Variants in EAF2 observed in about 807,000 individuals in gnomAD.
EAF2 encodes ELL-associated factor 2.
EAF2 carries 29 observed loss-of-function variants against 29.4 expected under a neutral mutation model. The ratio of observed to expected loss-of-function variants is 0.99; its 90% CI spans 0.73 to 1.35. EAF2 has a LOEUF of 1.35. Among genes scored for constraint, EAF2 ranks in the 40% most tolerant of loss-of-function variants. The pLI, the probability that EAF2 is intolerant of heterozygous loss-of-function variation, is 0.00. For synonymous variants in EAF2, 103 were observed against 102.5 expected, an observed-to-expected ratio of 1.00 and a Z score of -0.03; for missense variants, 292 against 312.0, an observed-to-expected ratio of 0.94 and a Z score of 0.48.
chr3:121,857,202 G>A, intron 4 of EAF2, 46 bp downstream of exon 4: 2 of 1,528,276 alleles, frequency 1.3e-6, no homozygotes, highest in Non-Finnish European at 1.8e-6. Context: ...AGATAATTAA[G>A]AAATGTTAAG....
intron 5 of EAF2, among the ~76,000 whole-genome samples, chr3:121,883,357 C>T (rs1709223460): frequency 6.6e-6 from 1 of 151,952 alleles, no homozygotes; most frequent in Admixed American, 6.6e-5. Context: ...AATGTGTTGC[C>T]CCAAACTATT....
rs1553726217 is a variant in EAF2 at position 121,845,459 on chromosome 3, A to AAAAGAAAG, written c.201+920_201+927dup. The stretch of plus-strand genomic sequence containing the variant: ...ACATCTCAAAAAAAAAAAAAAAAAA[A>AAAAGAAAG]AAAGAAAGAAAGAAAAAGAAAAAGA... On this transcript the variant is annotated intron_variant, in intron 2 of 5. Coordinates refer to ENST00000273668, the MANE Select transcript of EAF2 (RefSeq NM_018456.6). 8.3e-4 allele frequency among the ~76,000 whole-genome samples: 80 copies of AAAAGAAAG among 96,644 alleles called. 1 individual carries two copies. Among genetic ancestry groups the AAAAGAAAG allele is most frequent in the Middle Eastern group, 6.4e-3 (1 of 156 alleles). 63.4% of individuals were successfully genotyped at this position (96,644 alleles called of 152,430 possible).
At chr3:121,845,512 A>G (rs1247113825) in intron 2 of EAF2, among the ~76,000 whole-genome samples, 1 of 151,638 alleles carries the variant, frequency 6.6e-6, no homozygotes, top group Non-Finnish European at 1.5e-5. Context: ...CAGAGACTAG[A>G]AAAGTAGGTC....
intron 4 of EAF2, among the ~76,000 whole-genome samples, chr3:121,870,909 G>A (rs1270047581): frequency 6.6e-6 from 1 of 152,044 alleles, no homozygotes; most frequent in Non-Finnish European, 1.5e-5. Flanking sequence ...GCCCTAGTGA[G>A]GGAAGATATG....
chr3:121,860,075 A>G (rs1708798449), intron 4 of EAF2, among the ~76,000 whole-genome samples: 1 of 152,230 alleles, frequency 6.6e-6, no homozygotes, highest in Non-Finnish European at 1.5e-5. Flanking sequence ...TCAATTTGCC[A>G]GTATTTTATT....
intron 1 of EAF2, among the ~76,000 whole-genome samples, chr3:121,841,017 G>A (rs1310180563): frequency 6.6e-6 from 1 of 152,082 alleles, no homozygotes; most frequent in Non-Finnish European, 1.5e-5. Context: ...AAAAGCAGAA[G>A]GGCAGACCAT....
intron 1 of EAF2, among the ~76,000 whole-genome samples, chr3:121,839,355 G>C (rs567225678): frequency 7.6e-4 from 115 of 152,280 alleles, no homozygotes; most frequent in Middle Eastern, 3.4e-3. Flanking sequence ...CCACTGGTCA[G>C]CTTGACTGCC....
chr3:121,872,113 G>A (rs903650548), intron 4 of EAF2, among the ~76,000 whole-genome samples: 6 of 151,810 alleles, frequency 4.0e-5, no homozygotes, highest in South Asian at 2.1e-4. Context: ...TCATCAAAAT[G>A]TTCTCTAGGA....
At chr3:121,852,607 A>G (rs1008529113) in intron 2 of EAF2, among the ~76,000 whole-genome samples, 1 of 152,134 alleles carries the variant, frequency 6.6e-6, no homozygotes, top group African/African-American at 2.4e-5. Context: ...ACCTTCAGAA[A>G]TCTCTAACCT....
chr3:121,840,263 C>T (rs1199709695), intron 1 of EAF2, among the ~76,000 whole-genome samples: 3 of 145,744 alleles, frequency 2.1e-5, no homozygotes, highest in African/African-American at 7.7e-5. Context: ...GAGGCTGAGG[C>T]GGGTGGATCA....
In EAF2 at chr3:121,872,652, A is replaced by G. The variant is rs750485158; in HGVS notation, c.600A>G (p.Glu200=). 4 of 1,612,890 alleles carry G rather than the reference A, an allele frequency of 2.5e-6. No homozygotes were observed. The African/African-American group carries it at 4.0e-5, about 16-fold the overall frequency. ...ATAGTTCTAGTGACTCAGAAGATGA[A>G]GATTGCAAATCCTCTACTTCTGATA... ...SEDSSSDSED[E]DCKSSTSDTG... is the part of the protein sequence containing the mutation. The change falls in exon 5 of 6, where the codon GAA becomes GAG. Residue 200 remains glutamate (E), a synonymous_variant. Transcript: ENST00000273668.
At chr3:121,835,534 T>C in intron 1 of EAF2, 143 bp downstream of exon 1, 1 of 716,426 alleles carries the variant, frequency 1.4e-6, no homozygotes, top group South Asian at 1.7e-5. Context: ...AGCGCGATCC[T>C]CTAACCTGCT....
chr3:121,876,533 A>C (rs886567455), intron 5 of EAF2, among the ~76,000 whole-genome samples: 1 of 151,958 alleles, frequency 6.6e-6, no homozygotes, highest in Non-Finnish European at 1.5e-5. Flanking sequence ...AGTCTGTTTT[A>C]GATGTTTGTA....
chr3:121,876,402 A>C (rs532490290), intron 5 of EAF2, among the ~76,000 whole-genome samples: 10 of 152,010 alleles, frequency 6.6e-5, no homozygotes, highest in Admixed American at 2.0e-4. Context: ...TGTTATATAT[A>C]TATTTCAGCA....
chr3:121,846,195 C>T (rs1268653986), intron 2 of EAF2, among the ~76,000 whole-genome samples: 1 of 152,074 alleles, frequency 6.6e-6, no homozygotes, highest in African/African-American at 2.4e-5. Flanking sequence ...CTGTCTTTTT[C>T]TTATTTTTTA....
At chr3:121,873,293 C>A in intron 5 of EAF2, 1 of 436,404 alleles carries the variant, frequency 2.3e-6, no homozygotes, top group Non-Finnish European at 4.0e-6. Context: ...CACTGTGTTA[C>A]CTCTTAGTGA....
intron 1 of EAF2, among the ~76,000 whole-genome samples, chr3:121,835,815 C>A: frequency 6.6e-6 from 1 of 152,156 alleles, no homozygotes; most frequent in South Asian, 2.1e-4. Flanking sequence ...CACTTTTTCT[C>A]ACCTCTGGCA....
intron 5 of EAF2, among the ~76,000 whole-genome samples, chr3:121,882,867 T>C (rs1480943167): frequency 1.3e-5 from 2 of 151,094 alleles, no homozygotes; most frequent in East Asian, 3.9e-4. Context: ...AAATAAACCA[T>C]CTCTGACCAT....
chr3:121,841,147 A>G (rs888798453), intron 1 of EAF2, among the ~76,000 whole-genome samples: 1 of 152,212 alleles, frequency 6.6e-6, no homozygotes, highest in African/African-American at 2.4e-5. Flanking sequence ...TGAACGACAT[A>G]GAGGAATATT....
Sources: gnomAD v4.1 joint callset for allele counts (sites outside exome capture counted in the v4.1 genomes callset) on GRCh38, gnomAD v4.1.1 for gene constraint, MANE v1.5 for transcripts, NCBI Gene and HGNC (gene_info 2026-07-23, HGNC 2026-07-21) for gene names.